Variants in RBFOX1 observed in about 807,000 individuals in gnomAD.
RBFOX1 encodes RNA binding protein fox-1 homolog 1.
Under a neutral mutation model 57.7 loss-of-function variants are expected in RBFOX1, and 8 were observed. The observed-to-expected ratio is 0.14, with a 90% CI of 0.08 to 0.25. RBFOX1 has a LOEUF of 0.25. Ranked by LOEUF, RBFOX1 falls within the 10% of genes least tolerant of loss-of-function variation. The pLI is 1.00. For missense variants in RBFOX1, 611 were observed against 548.5 expected (o/e 1.11, Z -1.14); for synonymous variants, 326 against 222.4 (o/e 1.47, Z -4.15).
chr16:6,808,766 C>T (rs1378949529), intron 3 of RBFOX1, among the ~76,000 whole-genome samples: 1 of 152,094 alleles, frequency 6.6e-6, no homozygotes, highest in African/African-American at 2.4e-5. Context: ...ATCTCTGGGT[C>T]TGGGTATTAA....
intron 1 of RBFOX1, among the ~76,000 whole-genome samples, chr16:5,344,352 CCT>C (rs1638776929): frequency 6.6e-6 from 1 of 152,136 alleles, no homozygotes; most frequent in African/African-American, 2.4e-5. Context: ...GGTAAGTCTC[CCT>C]CTGTTTTGCT....
At chr16:7,230,265 A>T (rs946550505) in intron 4 of RBFOX1, among the ~76,000 whole-genome samples, 1 of 152,102 alleles carries the variant, frequency 6.6e-6, no homozygotes, top group Non-Finnish European at 1.5e-5. Flanking sequence ...AACAAAATAA[A>T]CAAACAGAAA....
intron 9 of RBFOX1, among the ~76,000 whole-genome samples, chr16:7,605,871 C>G (rs1331716994): frequency 6.6e-6 from 1 of 152,186 alleles, no homozygotes; most frequent in Non-Finnish European, 1.5e-5. Flanking sequence ...CAGAGTCTCA[C>G]TCTGTCACCT....
In RBFOX1 at chr16:7,408,895, AGGTAT is replaced by A. The variant is rs1482956745; in HGVS notation, c.28-109248_28-109244del. ...CCCCAGATAAGAACCATTGTTCTAG[AGGTAT>A]GGTGTTGGAAGCGCTTGGCACCTTT... On this transcript the variant is annotated intron_variant, in intron 4 of 15. Coordinates refer to ENST00000550418, the MANE Select transcript of RBFOX1 (RefSeq NM_018723.4). 9.2e-5 allele frequency among the ~76,000 whole-genome samples: 14 copies of A among 152,188 alleles called. No individual in the cohort carries two copies. The East Asian group carries it at 2.7e-3, about 29-fold the overall frequency.
chr16:6,779,981 T>C (rs866439421), intron 3 of RBFOX1, among the ~76,000 whole-genome samples: 218 of 18,242 alleles, frequency 0.012, 2 homozygotes, highest in Middle Eastern at 0.031. Context: ...ATTTATATAT[T>C]TATATATTTA....
At chr16:7,034,370 G>A (rs952629463) in intron 3 of RBFOX1, among the ~76,000 whole-genome samples, 4 of 152,168 alleles carry the variant, frequency 2.6e-5, no homozygotes, top group African/African-American at 9.7e-5. Context: ...TGCTGGAGGA[G>A]AGGGGGCTGA....
chr16:6,663,739 TG>T (rs2098715345), intron 3 of RBFOX1, among the ~76,000 whole-genome samples: 1 of 152,212 alleles, frequency 6.6e-6, no homozygotes, highest in Non-Finnish European at 1.5e-5. Context: ...CCAAAATTCC[TG>T]GAATCTTTGG....
intron 4 of RBFOX1, among the ~76,000 whole-genome samples, chr16:7,469,949 G>T (rs1306026789): frequency 6.6e-6 from 1 of 151,610 alleles, no homozygotes; most frequent in Non-Finnish European, 1.5e-5. Context: ...TTTTGTGACT[G>T]GCTTATTTCT....
intron 3 of RBFOX1, among the ~76,000 whole-genome samples, chr16:6,682,749 C>T (rs544453289): frequency 6.6e-6 from 1 of 151,764 alleles, no homozygotes; most frequent in African/African-American, 2.4e-5. Context: ...TTATCATTAC[C>T]AGTAGATTCA....
chr16:5,468,283 G>A (rs532713066), intron 2 of RBFOX1, among the ~76,000 whole-genome samples: 1 of 152,246 alleles, frequency 6.6e-6, no homozygotes, highest in South Asian at 2.1e-4. Context: ...CTACCTCTCT[G>A]TACTTCCAAA....
intron 2 of RBFOX1, among the ~76,000 whole-genome samples, chr16:5,585,818 A>G (rs984184840): frequency 1.3e-5 from 2 of 152,110 alleles, no homozygotes; most frequent in Admixed American, 1.3e-4. Flanking sequence ...GGAGATTCCA[A>G]CCTGATTCGT....
At chr16:6,830,166 C>G (rs915789113) in intron 3 of RBFOX1, among the ~76,000 whole-genome samples, 61 of 152,106 alleles carry the variant, frequency 4.0e-4, no homozygotes, top group African/African-American at 1.5e-3. Context: ...ATCTGCCCAC[C>G]TAAGCCTCCC....
chr16:6,843,000 C>G (rs144758591), intron 3 of RBFOX1, among the ~76,000 whole-genome samples: 43 of 152,240 alleles, frequency 2.8e-4, no homozygotes, highest in African/African-American at 9.9e-4. Context: ...AGGATATGAT[C>G]TCATTCTTTT....
intron 4 of RBFOX1, among the ~76,000 whole-genome samples, chr16:5,902,181 C>T (rs966926516): frequency 6.6e-6 from 1 of 152,062 alleles, no homozygotes; most frequent in African/African-American, 2.4e-5. Context: ...TATTTATCGC[C>T]CTCTCTCACC....
At chr16:5,961,185 G>T (rs976774477) in intron 4 of RBFOX1, among the ~76,000 whole-genome samples, 1 of 151,990 alleles carries the variant, frequency 6.6e-6, no homozygotes. Context: ...TTCATTTGGG[G>T]CATATTCTAT....
At chr16:6,014,247 T>A (rs1833924612), upstream of RBFOX1, among the ~76,000 whole-genome samples, 1 of 151,226 alleles carries the variant, frequency 6.6e-6, no homozygotes. Context: ...GTTATCATCA[T>A]GACCATTGCT....
chr16:6,227,409 T>TCCATC (rs1316310427), intron 1 of RBFOX1, among the ~76,000 whole-genome samples: 1 of 152,208 alleles, frequency 6.6e-6, no homozygotes, highest in Non-Finnish European at 1.5e-5. Flanking sequence ...TCTGTGTTTG[T>TCCATC]TAGGTGTGAC....
At chr16:5,731,523 C>T (rs1447725508) in intron 3 of RBFOX1, among the ~76,000 whole-genome samples, 1 of 152,134 alleles carries the variant, frequency 6.6e-6, no homozygotes, top group East Asian at 1.9e-4. Flanking sequence ...TGATTTGAAC[C>T]TCAGTTGTCT....
intron 2 of RBFOX1, among the ~76,000 whole-genome samples, chr16:6,630,044 T>C (rs1157041225): frequency 1.3e-5 from 2 of 151,810 alleles, no homozygotes; most frequent in East Asian, 3.9e-4. Context: ...GTCATCTGCC[T>C]GAAAAATCCT....
Sources: allele counts gnomAD v4.1 joint callset (sites outside exome capture counted in the v4.1 genomes callset), GRCh38; gene constraint gnomAD v4.1.1; transcripts MANE v1.5; gene names NCBI Gene and HGNC (gene_info 2026-07-23, HGNC 2026-07-21).